CCDC146: variants seen among roughly 807,000 people sequenced by gnomAD.
CCDC146 encodes coiled-coil domain containing 146, also known as coiled-coil domain-containing protein 146.
In CCDC146, 92 loss-of-function variants were observed where a neutral mutation model predicts 119.3. The observed-to-expected ratio is 0.77, with a 90% CI of 0.65 to 0.92. The LOEUF (loss-of-function observed/expected upper bound fraction) is 0.92, where lower values mean the gene tolerates loss of function less well. Among genes scored for constraint, CCDC146 ranks in the 40% least tolerant of loss-of-function variants. CCDC146 has a pLI of 0.00. For synonymous variants in CCDC146, 372 were observed against 371.8 expected (o/e 1.00, Z -0.01); for missense variants, 1,000 against 1,103.0 (o/e 0.91, Z 1.32).
chr7:77,266,692 A>G (rs968203035), intron 9 of CCDC146, among the ~76,000 whole-genome samples: 5 of 148,236 alleles, frequency 3.4e-5, no homozygotes, highest in Non-Finnish European at 3.0e-5. Context: ...CTCAGTACCC[A>G]CTCTGCATTA....
intron 2 of CCDC146, among the ~76,000 whole-genome samples, chr7:77,235,477 CA>C (rs1792716601): frequency 6.6e-6 from 1 of 152,118 alleles, no homozygotes; most frequent in Admixed American, 6.5e-5. Context: ...CTGTGGAAAT[CA>C]AAGGCAGCCA....
At chr7:77,281,433 A>G (rs116286082) in intron 14 of CCDC146, among the ~76,000 whole-genome samples, 2,261 of 152,312 alleles carry the variant, frequency 0.015, 55 homozygotes, top group African/African-American at 0.05. Flanking sequence ...TGTTTACTTC[A>G]GCAGTTTCTC....
At chr7:77,202,758 C>T (rs1792016222) in intron 2 of CCDC146, among the ~76,000 whole-genome samples, 1 of 152,180 alleles carries the variant, frequency 6.6e-6, no homozygotes, top group Non-Finnish European at 1.5e-5. Flanking sequence ...CCTGCACTTG[C>T]AGATGAGCAA....
At chr7:77,172,843 A>G (rs1791443783) in intron 2 of CCDC146, among the ~76,000 whole-genome samples, 1 of 152,104 alleles carries the variant, frequency 6.6e-6, no homozygotes, top group African/African-American at 2.4e-5. Flanking sequence ...AAACCTAACA[A>G]AATGCTTGCA....
At chr7:77,212,132 T>C (rs1792196068) in intron 2 of CCDC146, among the ~76,000 whole-genome samples, 1 of 152,224 alleles carries the variant, frequency 6.6e-6, no homozygotes, top group Admixed American at 6.5e-5. Flanking sequence ...GACCATTATC[T>C]GTAGCTGACA....
chr7:77,232,059 T>A (rs980183967), intron 2 of CCDC146, among the ~76,000 whole-genome samples: 1 of 152,226 alleles, frequency 6.6e-6, no homozygotes, highest in Non-Finnish European at 1.5e-5. Context: ...TACTGTGAAG[T>A]ATATTTTTCC....
At chr7:77,209,644 T>C (rs908905326) in intron 2 of CCDC146, among the ~76,000 whole-genome samples, 5 of 152,204 alleles carry the variant, frequency 3.3e-5, no homozygotes, top group Admixed American at 6.5e-5. Flanking sequence ...ACTGCCATAG[T>C]AGAGGTTCTC....
chr7:77,225,487 G>A (rs1050035563), intron 2 of CCDC146, among the ~76,000 whole-genome samples: 1 of 150,884 alleles, frequency 6.6e-6, no homozygotes, highest in Non-Finnish European at 1.5e-5. Flanking sequence ...ACAGGAGTTC[G>A]AGGCTGCAGT....
At chr7:77,198,423 C>T in intron 2 of CCDC146, 2 of 459,522 alleles carry the variant, frequency 4.4e-6, no homozygotes, top group Non-Finnish European at 5.7e-6. Context: ...GAGTCAATAC[C>T]ACTGTTAGTT....
chr7:77,148,365 G>T (rs1020312415), intron 1 of CCDC146, among the ~76,000 whole-genome samples: 3 of 152,080 alleles, frequency 2.0e-5, no homozygotes, highest in Non-Finnish European at 4.4e-5. Flanking sequence ...TCCTGGGTGA[G>T]GCGATGCCTC....
At chr7:77,150,449 A>G (rs1183199577) in intron 1 of CCDC146, among the ~76,000 whole-genome samples, 2 of 152,246 alleles carry the variant, frequency 1.3e-5, no homozygotes, top group Non-Finnish European at 2.9e-5. Context: ...AAAGAAGTGT[A>G]TGAAAAGATA....
Position 77,282,573 on chromosome 7 carries a change from G to A in CCDC146, c.1936G>A (p.Glu646Lys). The change falls in exon 15 of 19, where the codon GAG becomes AAG. Residue 646 changes from glutamate (E) to lysine (K), a missense_variant. Physicochemically the swap from Glu to Lys is moderately conservative, Grantham distance 56. Around this residue, in one of 2 missense-constraint regions of CCDC146, gnomAD observed 985 missense variants for 1,045.3 expected, o/e 0.94. Coordinates refer to ENST00000285871, the MANE Select transcript of CCDC146 (RefSeq NM_020879.3). ...TGACCATAGTGGCGTTCAGCTGATA[G>A]AGCGGGAAGAAGAAATATGCATTTT... ...HRNESGVQLI[E>K]REEEICIFYE... The A allele has an allele frequency of 6.2e-7, 1 of 1,607,404 alleles. No homozygotes were observed. Among genetic ancestry groups the A allele is most frequent in the Non-Finnish European group, 8.5e-7 (1 of 1,176,582 alleles).
chr7:77,199,770 C>G, intron 2 of CCDC146: 1 of 1,613,996 alleles, frequency 6.2e-7, no homozygotes, highest in Non-Finnish European at 8.5e-7. Context: ...CTGAGCTCAG[C>G]CAGTACCAGT....
chr7:77,123,143 A>G (rs3114356), intron 1 of CCDC146, among the ~76,000 whole-genome samples: 21,709 of 150,340 alleles, frequency 0.14, 2,273 homozygotes, highest in Non-Finnish European at 0.21. Flanking sequence ...CGTACTTAAC[A>G]TTGATTCTGA....
intron 1 of CCDC146, among the ~76,000 whole-genome samples, chr7:77,149,209 C>T (rs1791070295): frequency 6.6e-6 from 1 of 152,092 alleles, no homozygotes; most frequent in Admixed American, 6.6e-5. Flanking sequence ...AGCAACCTGA[C>T]AAAAATAAGC....
chr7:77,243,004 G>A (rs1424337707), intron 4 of CCDC146, among the ~76,000 whole-genome samples: 1 of 152,134 alleles, frequency 6.6e-6, no homozygotes, highest in Non-Finnish European at 1.5e-5. Context: ...TTACCAGTGA[G>A]ATCTATATAA....
At chr7:77,267,966 T>C (rs1793439405) in intron 9 of CCDC146, among the ~76,000 whole-genome samples, 1 of 152,220 alleles carries the variant, frequency 6.6e-6, no homozygotes. Flanking sequence ...CTGAGTTTAT[T>C]ACATATTGCA....
chr7:77,178,637 T>C (rs961136270), intron 2 of CCDC146, among the ~76,000 whole-genome samples: 2 of 152,266 alleles, frequency 1.3e-5, no homozygotes, highest in Non-Finnish European at 2.9e-5. Flanking sequence ...CACCTCTTTA[T>C]TTTTCATTGA....
chr7:77,163,856 TTTTC>T (rs1221034883), intron 1 of CCDC146, among the ~76,000 whole-genome samples: 1 of 138,100 alleles, frequency 7.2e-6, no homozygotes, highest in Non-Finnish European at 1.5e-5. Context: ...TCTTTCTTTT[TTTTC>T]TTTTTTTTTT....
Sources: gnomAD v4.1 joint callset for allele counts (sites outside exome capture counted in the v4.1 genomes callset) on GRCh38, gnomAD v4.1.1 for gene constraint, gnomAD v4.1.1 regional missense constraint, MANE v1.5 for transcripts, NCBI Gene and HGNC (gene_info 2026-07-23, HGNC 2026-07-21) for gene names.